Variants in HEATR5B observed in about 807,000 individuals in gnomAD.
HEATR5B encodes HEAT repeat containing 5B.
A neutral mutation model predicts 224.1 loss-of-function variants in HEATR5B; 156 were observed. The observed-to-expected ratio is 0.70, with a 90% CI of 0.61 to 0.80. The LOEUF is 0.80. Among genes scored for constraint, HEATR5B ranks in the 30% least tolerant of loss-of-function variants. The pLI is 0.00. For synonymous variants in HEATR5B, 1,027 were observed against 893.0 expected (o/e 1.15, Z -2.68); for missense variants, 2,323 against 2,535.5 (o/e 0.92, Z 1.80).
At chr2:37,047,086 G>A (rs906177649) in intron 18 of HEATR5B, among the ~76,000 whole-genome samples, 1 of 143,310 alleles carries the variant, frequency 7.0e-6, no homozygotes, top group African/African-American at 2.6e-5. Flanking sequence ...TCTCCCTCCT[G>A]TAATCCCAAC....
intron 24 of HEATR5B, among the ~76,000 whole-genome samples, chr2:37,023,632 G>A (rs570338861): frequency 6.6e-6 from 1 of 152,118 alleles, no homozygotes; most frequent in South Asian, 2.1e-4. Context: ...AGCTGGACAT[G>A]GCGGCGGGTG....
At chr2:37,052,242 G>A (rs188206196) in intron 17 of HEATR5B, among the ~76,000 whole-genome samples, 5 of 152,274 alleles carry the variant, frequency 3.3e-5, no homozygotes, top group Admixed American at 3.3e-4. Flanking sequence ...CGCGAATCCT[G>A]TGAGATAGGC....
At chr2:37,025,299 C>A (rs6731315) in intron 24 of HEATR5B, among the ~76,000 whole-genome samples, 25,482 of 151,946 alleles carry the variant, frequency 0.17, 2,371 homozygotes, top group African/African-American at 0.22. Flanking sequence ...GGGCAATCCA[C>A]CTCCACACTG....
intron 33 of HEATR5B, among the ~76,000 whole-genome samples, chr2:36,991,021 T>C (rs1176395254): frequency 1.3e-5 from 2 of 151,966 alleles, no homozygotes; most frequent in African/African-American, 2.4e-5. Context: ...CATCTCTCTC[T>C]CCCCACAACA....
intron 18 of HEATR5B, among the ~76,000 whole-genome samples, chr2:37,043,934 T>A (rs988450052): frequency 1.4e-4 from 22 of 152,150 alleles, no homozygotes; most frequent in Non-Finnish European, 3.1e-4. Flanking sequence ...TAAATAGAAA[T>A]GAAGGTTTTA....
At chr2:37,010,494 T>A (rs1050992490) in intron 27 of HEATR5B, among the ~76,000 whole-genome samples, 1 of 150,904 alleles carries the variant, frequency 6.6e-6, no homozygotes. Flanking sequence ...CATGCTTGTT[T>A]CCCCCCTAAA....
intron 23 of HEATR5B, among the ~76,000 whole-genome samples, 174 bp downstream of exon 23, chr2:37,028,503 CATTT>C (rs1668920467): frequency 6.6e-6 from 1 of 151,978 alleles, no homozygotes; most frequent in South Asian, 2.1e-4. Context: ...TAAAAAAGCT[CATTT>C]GTTTATAACA....
intron 30 of HEATR5B, among the ~76,000 whole-genome samples, chr2:37,004,854 C>G (rs1438662709): frequency 6.6e-6 from 1 of 152,062 alleles, no homozygotes; most frequent in Non-Finnish European, 1.5e-5. Context: ...TTTATTCAGC[C>G]TTCCTAGGCT....
chr2:37,052,155 T>C (rs1269737868), intron 17 of HEATR5B, among the ~76,000 whole-genome samples: 3 of 152,210 alleles, frequency 2.0e-5, no homozygotes. Flanking sequence ...TTGCTACCAT[T>C]TTATTTTAAA....
intron 33 of HEATR5B, among the ~76,000 whole-genome samples, chr2:36,991,292 C>T (rs920600858): frequency 4.6e-5 from 7 of 151,584 alleles, no homozygotes; most frequent in East Asian, 3.9e-4. Context: ...TTTGGGAGGC[C>T]GAGGCAGGCG....
chr2:37,036,087 A>G (rs1558762133), intron 21 of HEATR5B, among the ~76,000 whole-genome samples: 1 of 152,218 alleles, frequency 6.6e-6, no homozygotes, highest in Non-Finnish European at 1.5e-5. Context: ...AGAGCAAATC[A>G]CTACCATCTT....
Position 37,032,738 on chromosome 2 carries a change from T to A in HEATR5B, c.3252A>T (p.Arg1084=). 1 of 1,614,064 alleles carries A rather than the reference T, an allele frequency of 6.2e-7. No individual in the cohort carries two copies. Among genetic ancestry groups the A allele is most frequent in the Non-Finnish European group, 8.5e-7 (1 of 1,179,976 alleles). The part of the protein sequence containing the change: ...HLCSSHLLLR[R]AAVACLRQLA... ...GTTGCCGAAGACATGCCACAGCTGC[T>A]CGTCGAAGTAACAAATGGGAACTAC... Residue 1084 remains arginine (R), a synonymous_variant, in exon 22 of 36, where the codon CGA becomes CGT. Coordinates refer to ENST00000233099, the MANE Select transcript of HEATR5B (RefSeq NM_019024.3).
chr2:37,082,496 T>A (rs1009737372), intron 2 of HEATR5B, among the ~76,000 whole-genome samples: 1 of 152,214 alleles, frequency 6.6e-6, no homozygotes, highest in Non-Finnish European at 1.5e-5. Flanking sequence ...CACTGTGACA[T>A]GTTCATGATG....
intron 34 of HEATR5B, 151 bp from the exon 35 acceptor site, chr2:36,989,010 G>C (rs1406309558): frequency 3.3e-6 from 2 of 615,122 alleles, no homozygotes; most frequent in Non-Finnish European, 5.7e-6. Context: ...GAGTAGAATA[G>C]AATTTTGTGA....
intron 26 of HEATR5B, among the ~76,000 whole-genome samples, chr2:37,016,166 G>T (rs145870649): frequency 6.8e-6 from 1 of 146,788 alleles, no homozygotes; most frequent in Non-Finnish European, 1.5e-5. Context: ...AGGTTGGAGC[G>T]CAGTGGCGTG....
chr2:36,985,824 T>G (rs75812386), intron 35 of HEATR5B, among the ~76,000 whole-genome samples: 2 of 152,000 alleles, frequency 1.3e-5, no homozygotes, highest in African/African-American at 4.8e-5. Flanking sequence ...TGGTTGATAG[T>G]TGAAATTACA....
In HEATR5B at chr2:37,068,902, C is replaced by T. The variant is rs750141307; in HGVS notation, c.956G>A (p.Gly319Asp). Reference protein sequence around the residue: ...QAYVVFVTTLGGQWLERSFAT... With the variant: ...QAYVVFVTTLDGQWLERSFAT... ...AAAGCTGCGCTCCAACCACTGACCA[C>T]CCAATGTTGTCACAAAAACAACATA... Residue 319 changes from glycine (G) to aspartate (D), a missense_variant, in exon 8 of 36, where the codon GGT (glycine) becomes GAT (aspartate). Physicochemically the swap from Gly to Asp is moderately conservative, Grantham distance 94. Coordinates refer to ENST00000233099, the MANE Select transcript of HEATR5B (RefSeq NM_019024.3). The T allele has an allele frequency of 1.2e-6, 2 of 1,613,794 alleles. No homozygotes were observed. Among genetic ancestry groups the T allele is most frequent in the Non-Finnish European group, 1.7e-6 (2 of 1,179,738 alleles).
intron 24 of HEATR5B, among the ~76,000 whole-genome samples, chr2:37,026,297 T>C (rs981681437): frequency 6.6e-6 from 1 of 152,172 alleles, no homozygotes; most frequent in Non-Finnish European, 1.5e-5. Flanking sequence ...TGCTGATGCC[T>C]TGATGTTAGC....
At chr2:37,058,655 C>A in intron 13 of HEATR5B, 95 bp from the exon 14 acceptor site, 2 of 823,714 alleles carry the variant, frequency 2.4e-6, no homozygotes, top group Non-Finnish European at 4.0e-6. Flanking sequence ...CCAAACTACA[C>A]TGATAAGTAT....
Sources: gnomAD v4.1 joint callset for allele counts (sites outside exome capture counted in the v4.1 genomes callset) on GRCh38, gnomAD v4.1.1 for gene constraint, MANE v1.5 for transcripts, NCBI Gene and HGNC (gene_info 2026-07-23, HGNC 2026-07-21) for gene names.